Variants in CNTN1 observed in about 807,000 individuals in gnomAD.
CNTN1 encodes contactin-1.
CNTN1 carries 38 observed loss-of-function variants against 126.4 expected under a neutral mutation model. The ratio of observed to expected loss-of-function variants is 0.30; its 90% CI spans 0.23 to 0.39. The LOEUF is 0.39. CNTN1 is among the 10% of genes least tolerant of loss of function. The pLI is 1.00. For synonymous variants in CNTN1, 413 were observed against 422.6 expected (o/e 0.98, Z 0.28); for missense variants, 1,009 against 1,248.4 (o/e 0.81, Z 2.89).
chr12:40,935,927 GC>G (rs1178947816), intron 9 of CNTN1, among the ~76,000 whole-genome samples: 2 of 151,778 alleles, frequency 1.3e-5, no homozygotes, highest in Non-Finnish European at 2.9e-5. Context: ...TGCATATATT[GC>G]TTTTGCCATA....
intron 17 of CNTN1, among the ~76,000 whole-genome samples, chr12:41,010,712 T>C (rs1948626552): frequency 6.6e-6 from 1 of 152,206 alleles, no homozygotes; most frequent in South Asian, 2.1e-4. Context: ...CCATAAAGGC[T>C]GCAGGATTCT....
At chr12:40,762,544 CTG>C (rs1938903793) in intron 1 of CNTN1, among the ~76,000 whole-genome samples, 2 of 152,106 alleles carry the variant, frequency 1.3e-5, no homozygotes, top group African/African-American at 4.8e-5. Flanking sequence ...ATCATAAAAA[CTG>C]AGCATAAGTT....
At chr12:41,041,699 G>A (rs1041521768) in intron 23 of CNTN1, among the ~76,000 whole-genome samples, 2 of 152,162 alleles carry the variant, frequency 1.3e-5, no homozygotes, top group African/African-American at 4.8e-5. Context: ...TAGTTTATTT[G>A]CGTAGAGGTG....
rs1050273158 is a variant in CNTN1 at position 41,071,051 on chromosome 12, A to G, written c.*1016A>G. On this transcript the variant is annotated 3_prime_UTR_variant, in exon 24 of 24. Coordinates refer to ENST00000551295, the MANE Select transcript of CNTN1 (RefSeq NM_001843.4). ...GATCAAAAAGTCACCTGTAGGTTGA[A>G]AAAGCTACCGTATTCCATTTTGTAA... 1 of 151,696 alleles carries G rather than the reference A, an allele frequency of 6.6e-6. No homozygotes were observed. The highest frequency in any genetic ancestry group is 1.5e-5 in the Non-Finnish European group (1 of 67,910). The allele number at this position is 151,696 out of a possible 1,614,324, so 9.4% of individuals were successfully genotyped here.
intron 1 of CNTN1, among the ~76,000 whole-genome samples, chr12:40,839,021 C>T (rs1351492116): frequency 6.6e-6 from 1 of 151,852 alleles, no homozygotes; most frequent in Admixed American, 6.6e-5. Flanking sequence ...ACAAAGAAAT[C>T]AGAAAAAACA....
chr12:40,873,780 A>AT lies in CNTN1; in HGVS notation c.-76-34568dup, dbSNP rs895881257. 1.4e-3 allele frequency among the ~76,000 whole-genome samples: 216 copies of AT among 151,248 alleles called. 1 individual carries two copies. Among genetic ancestry groups the AT allele is most frequent in the African/African-American group, 4.0e-3 (167 of 41,248 alleles). On this transcript the variant is annotated intron_variant, in intron 1 of 23. Transcript: ENST00000551295. ...ATTTCTCCACTCTTTCATCCTCTAC[A>AT]TTTTTTTTTGTCAGTTTATTACTCT...
intron 1 of CNTN1, among the ~76,000 whole-genome samples, chr12:40,818,582 A>C (rs1796470990): frequency 6.6e-6 from 1 of 152,186 alleles, no homozygotes; most frequent in Non-Finnish European, 1.5e-5. Flanking sequence ...CCTTTTATCA[A>C]GGTTCTTAGC....
intron 14 of CNTN1, among the ~76,000 whole-genome samples, chr12:40,949,615 G>C (rs1269213014): frequency 3.6e-5 from 3 of 84,142 alleles, no homozygotes; most frequent in African/African-American, 4.8e-5. Context: ...GTTAGCTCTT[G>C]TTGCCCAGGC....
At chr12:40,987,337 T>G (rs992059722) in intron 16 of CNTN1, among the ~76,000 whole-genome samples, 4 of 152,340 alleles carry the variant, frequency 2.6e-5, no homozygotes, top group Non-Finnish European at 5.9e-5. Flanking sequence ...CTATGTACTT[T>G]TAAGGCAATC....
At chr12:41,011,290 C>G (rs1370063339) in intron 17 of CNTN1, among the ~76,000 whole-genome samples, 1 of 152,180 alleles carries the variant, frequency 6.6e-6, no homozygotes, top group African/African-American at 2.4e-5. Context: ...GATTGCTACA[C>G]TTGCAAAGGT....
intron 1 of CNTN1, among the ~76,000 whole-genome samples, chr12:40,705,438 G>A (rs1173765105): frequency 6.6e-6 from 1 of 151,822 alleles, no homozygotes; most frequent in East Asian, 1.9e-4. Context: ...TTGATGATGG[G>A]TAGTAATAGA....
intron 19 of CNTN1, among the ~76,000 whole-genome samples, chr12:41,018,097 A>T (rs117682384): frequency 0.04 from 6,117 of 151,854 alleles, 196 homozygotes; most frequent in Non-Finnish European, 0.057. Context: ...TCTCAAAAAA[A>T]AAAAATAATA....
intron 4 of CNTN1, 64 bp from the exon 5 acceptor site, chr12:40,922,187 CTGTGT>C: frequency 1.5e-6 from 2 of 1,347,548 alleles, no homozygotes; most frequent in Non-Finnish European, 2.1e-6. Context: ...TATTTTAGAA[CTGTGT>C]TAGCTCCGTA....
At chr12:40,886,645 G>T (rs1944042752) in intron 1 of CNTN1, among the ~76,000 whole-genome samples, 1 of 152,166 alleles carries the variant, frequency 6.6e-6, no homozygotes, top group Non-Finnish European at 1.5e-5. Flanking sequence ...CATTGCCCAT[G>T]CCTATGTCCT....
At chr12:41,030,116 C>T (rs1048450867) in intron 23 of CNTN1, among the ~76,000 whole-genome samples, 2 of 151,666 alleles carry the variant, frequency 1.3e-5, no homozygotes, top group Non-Finnish European at 2.9e-5. Flanking sequence ...AACCCCATGA[C>T]ACAAGTTTAC....
At chr12:40,887,674 A>C (rs1944091013) in intron 1 of CNTN1, among the ~76,000 whole-genome samples, 1 of 152,010 alleles carries the variant, frequency 6.6e-6, no homozygotes, top group Non-Finnish European at 1.5e-5. Context: ...GTATATACCC[A>C]AAGGACTATA....
intron 16 of CNTN1, among the ~76,000 whole-genome samples, chr12:40,984,468 G>A (rs1947904086): frequency 6.6e-6 from 1 of 152,176 alleles, no homozygotes; most frequent in South Asian, 2.1e-4. Flanking sequence ...CATGGTGAAA[G>A]CAAATTGGCT....
chr12:41,045,043 A>T lies in CNTN1; in HGVS notation c.2980+15824A>T, dbSNP rs952356838. On this transcript the variant is annotated intron_variant, in intron 23 of 23. Transcript: ENST00000551295. ...AAGAATTTTAATTATTGGTAAGCCT[A>T]ATTTTGTATTTTTCTATGAATGTTG... Among the ~76,000 whole-genome samples the T allele has an allele frequency of 3.9e-5, 6 of 152,144 alleles. No homozygotes were observed. In the East Asian group the frequency reaches 1.2e-3, roughly 29 times the overall value.
intron 15 of CNTN1, among the ~76,000 whole-genome samples, chr12:40,978,272 G>A (rs531829036): frequency 6.6e-6 from 1 of 151,912 alleles, no homozygotes; most frequent in Non-Finnish European, 1.5e-5. Context: ...GATTTTAATA[G>A]TATTATTTTT....
Sources: allele counts gnomAD v4.1 joint callset (sites outside exome capture counted in the v4.1 genomes callset), GRCh38; gene constraint gnomAD v4.1.1; transcripts MANE v1.5; gene names NCBI Gene and HGNC (gene_info 2026-07-23, HGNC 2026-07-21).